AXIN1: variants seen among roughly 807,000 people sequenced by gnomAD.
AXIN1 encodes axin 1.
AXIN1 carries 30 observed loss-of-function variants against 76.4 expected under a neutral mutation model. The ratio of observed to expected loss-of-function variants is 0.39; its 90% CI spans 0.29 to 0.53. AXIN1 has a LOEUF of 0.53. Ranked by LOEUF, AXIN1 falls within the 20% of genes least tolerant of loss-of-function variation. The pLI, the probability that AXIN1 is intolerant of heterozygous loss-of-function variation, is 0.66. For missense variants in AXIN1, 1,140 were observed against 1,198.8 expected, an observed-to-expected ratio of 0.95 and a Z score of 0.72; for synonymous variants, 545 against 501.4, an observed-to-expected ratio of 1.09 and a Z score of -1.16.
At chr16:294,230 TG>T (rs2052646804) in intron 7 of AXIN1, among the ~76,000 whole-genome samples, 1 of 150,562 alleles carries the variant, frequency 6.6e-6, no homozygotes, top group African/African-American at 2.4e-5. Context: ...GAGGCCAAGG[TG>T]GGTGGATCGC....
chr16:304,295 C>A lies in AXIN1; in HGVS notation c.1254+9G>T, dbSNP rs774914948. On this transcript the variant is annotated intron_variant, in intron 5 of 10. Coordinates refer to ENST00000262320, the MANE Select transcript of AXIN1 (RefSeq NM_003502.4). ...GACGCGGAGCGCGACACCGACGCGG[C>A]CCACTCACCATGCGCACGCGCTTCA... is the stretch of plus-strand genomic sequence containing the variant. 1 of 1,610,102 alleles carries A rather than the reference C, an allele frequency of 6.2e-7. No homozygotes were observed. The highest frequency in any genetic ancestry group is 8.5e-7 in the Non-Finnish European group (1 of 1,179,094).
intron 2 of AXIN1, among the ~76,000 whole-genome samples, chr16:329,789 A>AT (rs773869039): frequency 0.078 from 10,182 of 131,140 alleles, 789 homozygotes; most frequent in African/African-American, 0.21. Flanking sequence ...TTGCCCGGCT[A>AT]TTTTTTTTTT....
intron 4 of AXIN1, among the ~76,000 whole-genome samples, chr16:305,725 T>C (rs1409700956): frequency 6.6e-6 from 1 of 152,072 alleles, no homozygotes; most frequent in Admixed American, 6.5e-5. Context: ...TTTGTATTTT[T>C]AGTAGAGACA....
chr16:348,542 G>A (rs1443130236), intron 1 of AXIN1, among the ~76,000 whole-genome samples: 1 of 152,226 alleles, frequency 6.6e-6, no homozygotes, highest in African/African-American at 2.4e-5. Flanking sequence ...TCACGCACCT[G>A]TAGTCCCAGC....
chr16:321,771 C>A (rs2053464294), intron 2 of AXIN1, among the ~76,000 whole-genome samples: 1 of 152,202 alleles, frequency 6.6e-6, no homozygotes, highest in Admixed American at 6.5e-5. Flanking sequence ...GGATTCCAAC[C>A]CACGAAGGGT....
At chr16:320,973 T>G (rs139322963) in intron 2 of AXIN1, among the ~76,000 whole-genome samples, 3 of 151,930 alleles carry the variant, frequency 2.0e-5, no homozygotes, top group African/African-American at 4.8e-5. Flanking sequence ...CGCCTGACCT[T>G]GTGATCTGCC....
intron 2 of AXIN1, among the ~76,000 whole-genome samples, chr16:321,677 A>G (rs530180741): frequency 1.3e-5 from 2 of 151,950 alleles, no homozygotes; most frequent in South Asian, 4.2e-4. Context: ...AAACCCTCTC[A>G]TAGCTGGGAA....
At chr16:303,410 T>C (rs1299637064) in intron 5 of AXIN1, among the ~76,000 whole-genome samples, 1 of 151,808 alleles carries the variant, frequency 6.6e-6, no homozygotes, top group Non-Finnish European at 1.5e-5. Flanking sequence ...AGGTAGAGTT[T>C]CACTCTTGTC....
At chr16:333,031 T>TA (rs2053726039) in intron 2 of AXIN1, among the ~76,000 whole-genome samples, 2 of 151,750 alleles carry the variant, frequency 1.3e-5, no homozygotes, top group Admixed American at 1.3e-4. Flanking sequence ...CAAAAAACTG[T>TA]AAAAAAATAT....
In AXIN1 at chr16:293,638, A is replaced by G. The variant is rs1267247007; in HGVS notation, c.2036T>C (p.Leu679Pro). The G allele has an allele frequency of 6.2e-7, 1 of 1,613,422 alleles. No homozygotes were observed. Among genetic ancestry groups the G allele is most frequent in the Non-Finnish European group, 8.5e-7 (1 of 1,179,974 alleles). The change falls in exon 8 of 11, where the codon CTC (leucine) becomes CCC (proline). Residue 679 changes from leucine (L) to proline (P), a missense_variant. Around this residue, in one of 3 missense-constraint regions of AXIN1, gnomAD observed 429 missense variants for 405.8 expected, o/e 1.06. Coordinates refer to ENST00000262320, the MANE Select transcript of AXIN1 (RefSeq NM_003502.4). The surrounding 1 kb of genome is among the most constrained non-coding windows in gnomAD (Gnocchi z 4.6). ...GTGGGAGGGCTGCACGGAGGTCCGG[A>G]GCTGAGGGCCGGCCCAGGGGTGCTC... is the stretch of plus-strand genomic sequence containing the variant. ...SLEHPWAGPQ[L>P]RTSVQPSHLF... is the part of the protein sequence containing the mutation.
In AXIN1 at chr16:289,079, C is replaced by CTT. The variant is rs1242070094; in HGVS notation, c.2462+359_2462+360dup. Among the ~76,000 whole-genome samples, 21 of 137,570 alleles carry CTT rather than the reference C, an allele frequency of 1.5e-4. 3 individuals carry two copies. The highest frequency in any genetic ancestry group is 4.5e-4 in the African/African-American group (16 of 35,378). The allele number at this position is 137,570 out of a possible 152,430, so 90.3% of individuals were successfully genotyped here. On this transcript the variant is annotated intron_variant, in intron 10 of 10. Transcript: ENST00000262320. ...GCTGAAATGGCCGGAAGCCCTTTTT[C>CTT]TTCTTTTTTTTTTTTTGGGCGGGGG...
intron 2 of AXIN1, among the ~76,000 whole-genome samples, chr16:334,765 A>G (rs1430350313): frequency 1.3e-5 from 2 of 151,634 alleles, no homozygotes; most frequent in Non-Finnish European, 2.9e-5. Context: ...CAACACACTA[A>G]TATCACAGCA....
intron 2 of AXIN1, among the ~76,000 whole-genome samples, chr16:319,387 C>T (rs944778995): frequency 1.3e-5 from 2 of 152,160 alleles, no homozygotes; most frequent in African/African-American, 4.8e-5. Flanking sequence ...GAAAAACGTG[C>T]CCATCACAGA....
At chr16:290,088 G>A (rs1596966594) in intron 9 of AXIN1, 1 of 225,522 alleles carries the variant, frequency 4.4e-6, no homozygotes, top group South Asian at 6.3e-5. Flanking sequence ...AGAGGGGGCA[G>A]GGCTGGCACC....
At chr16:343,321 G>C (rs954867247) in intron 2 of AXIN1, among the ~76,000 whole-genome samples, 3 of 152,222 alleles carry the variant, frequency 2.0e-5, no homozygotes, top group Non-Finnish European at 2.9e-5. Flanking sequence ...GGCTGGGAGG[G>C]AGGCACTGGG....
At chr16:324,891 A>T (rs2053545382) in intron 2 of AXIN1, among the ~76,000 whole-genome samples, 1 of 152,208 alleles carries the variant, frequency 6.6e-6, no homozygotes, top group South Asian at 2.1e-4. Flanking sequence ...GCCTTCAGGG[A>T]GGCAGCAGCG....
intron 4 of AXIN1, among the ~76,000 whole-genome samples, chr16:308,983 T>C (rs2053100257): frequency 6.6e-6 from 1 of 152,116 alleles, no homozygotes; most frequent in Admixed American, 6.6e-5. Context: ...GCTCTCAAAA[T>C]GCCTACTTCC....
intron 2 of AXIN1, among the ~76,000 whole-genome samples, chr16:343,139 G>C (rs2053962938): frequency 6.6e-6 from 1 of 152,130 alleles, no homozygotes; most frequent in Admixed American, 6.6e-5. Flanking sequence ...TCTGCCACCA[G>C]CAGCCCCAGA....
intron 10 of AXIN1, 111 bp from the exon 11 acceptor site, chr16:288,359 T>C (rs2052447835): frequency 6.6e-7 from 1 of 1,515,816 alleles, no homozygotes; most frequent in Non-Finnish European, 9.1e-7. Context: ...CTCCTGTCCA[T>C]GCCCCACGGC....
Sources: allele counts gnomAD v4.1 joint callset (sites outside exome capture counted in the v4.1 genomes callset), GRCh38; gene constraint gnomAD v4.1.1; regional missense constraint gnomAD v4.1.1; non-coding constraint Gnocchi (gnomAD v3.1); transcripts MANE v1.5; gene names NCBI Gene and HGNC (gene_info 2026-07-23, HGNC 2026-07-21).